The following KLF12 variants were observed in gnomAD, a reference collection of about 807,000 sequenced individuals.
KLF12 encodes the protein Krueppel-like factor 12.
KLF12 carries 9 observed loss-of-function variants against 37.8 expected under a neutral mutation model. The observed-to-expected ratio is 0.24, with a 90% CI of 0.14 to 0.42. The LOEUF is 0.42. KLF12 is among the 10% of genes least tolerant of loss of function. KLF12 has a pLI of 1.00. For missense variants in KLF12, 411 were observed against 516.0 expected, an observed-to-expected ratio of 0.80 and a Z score of 1.97; for synonymous variants, 208 against 202.1, an observed-to-expected ratio of 1.03 and a Z score of -0.25.
intron 3 of KLF12, among the ~76,000 whole-genome samples, chr13:73,849,853 A>T (rs1885240552): frequency 6.6e-6 from 1 of 152,116 alleles, no homozygotes; most frequent in African/African-American, 2.4e-5. Flanking sequence ...GGGAGTGGTG[A>T]CTATAGCTGA....
At chr13:74,006,559 G>A (rs1764946368) in intron 1 of KLF12, among the ~76,000 whole-genome samples, 1 of 152,208 alleles carries the variant, frequency 6.6e-6, no homozygotes, top group Non-Finnish European at 1.5e-5. Flanking sequence ...CAGCCATGGA[G>A]ATTTACAGCC....
chr13:73,785,710 G>C (rs901735410), intron 5 of KLF12, among the ~76,000 whole-genome samples: 1 of 151,780 alleles, frequency 6.6e-6, no homozygotes, highest in African/African-American at 2.4e-5. Flanking sequence ...ATAACACTTA[G>C]AGAGTCATGC....
chr13:74,009,219 AATCT>A (rs1892486641), intron 1 of KLF12, among the ~76,000 whole-genome samples: 1 of 152,226 alleles, frequency 6.6e-6, no homozygotes, highest in Non-Finnish European at 1.5e-5. Context: ...AATGCTCAGG[AATCT>A]ATCTGTCACT....
intron 2 of KLF12, among the ~76,000 whole-genome samples, chr13:73,965,003 T>C (rs1220019128): frequency 3.9e-5 from 6 of 152,160 alleles, no homozygotes; most frequent in Middle Eastern, 3.2e-3. Flanking sequence ...AGCAGCTCCA[T>C]TGCATACCGG....
chr13:74,234,769 T>C, the KLF12 span, among the ~76,000 whole-genome samples: 1,045 of 152,076 alleles, frequency 6.9e-3, 12 homozygotes, highest in African/African-American at 0.024. Context: ...GCTTCGGAGA[T>C]CTCTTTCCAA....
At chr13:73,860,107 A>G (rs554144996) in intron 3 of KLF12, among the ~76,000 whole-genome samples, 1 of 152,280 alleles carries the variant, frequency 6.6e-6, no homozygotes, top group Admixed American at 6.5e-5. Flanking sequence ...GTTGCGTTTT[A>G]TATGATCAGT....
At chr13:73,751,821 C>CTGGACATCTACTGGGGGTA (rs1878779241) in intron 6 of KLF12, among the ~76,000 whole-genome samples, 1 of 152,020 alleles carries the variant, frequency 6.6e-6, no homozygotes, top group African/African-American at 2.4e-5. Context: ...CAGTCCGGGG[C>CTGGACATCTACTGGGGGTA]TGGACATCTA....
chr13:74,229,693 A>G, the KLF12 span, among the ~76,000 whole-genome samples: 2 of 152,084 alleles, frequency 1.3e-5, no homozygotes, highest in African/African-American at 4.8e-5. Flanking sequence ...CCATTTTTTC[A>G]TAGGTACTGT....
rs1205140505 is a variant in KLF12, at chr13:73,686,284, C to A, written c.*9206G>T. 1 of 152,584 alleles carries A rather than the reference C, an allele frequency of 6.6e-6. No homozygotes were observed. The highest frequency in any genetic ancestry group is 1.5e-5 in the Non-Finnish European group (1 of 68,022). 9.5% of individuals were successfully genotyped at this position (152,584 alleles called of 1,614,324 possible). A position where few individuals can be genotyped will look rare whatever the true frequency, so the allele number is the denominator to read the frequency against. On this transcript the variant is annotated 3_prime_UTR_variant, in exon 8 of 8. Transcript: ENST00000377669. Reference sequence around the variant, plus strand: ...AACAATAACACTTGTTCATTTAAATCTCTGAGAATAGACTGGAATAATCAT... The same window carrying A: ...AACAATAACACTTGTTCATTTAAATATCTGAGAATAGACTGGAATAATCAT...
chr13:74,231,009 C>T, the KLF12 span, among the ~76,000 whole-genome samples: 1 of 150,716 alleles, frequency 6.6e-6, no homozygotes, highest in South Asian at 2.1e-4. Context: ...ACTTTCGCTA[C>T]TACCACCCTT....
At chr13:74,000,140 AATGTC>A (rs970302820) in intron 1 of KLF12, among the ~76,000 whole-genome samples, 1 of 152,142 alleles carries the variant, frequency 6.6e-6, no homozygotes, top group Admixed American at 6.5e-5. Flanking sequence ...GTATTCAAGA[AATGTC>A]ACTCCTATTT....
chr13:73,767,120 T>C (rs1241629927), intron 5 of KLF12, among the ~76,000 whole-genome samples: 1 of 152,232 alleles, frequency 6.6e-6, no homozygotes, highest in African/African-American at 2.4e-5. Flanking sequence ...TCTGATAAAG[T>C]AGACCATAAG....
chr13:73,926,587 G>A (rs1438638800), intron 3 of KLF12, among the ~76,000 whole-genome samples: 1 of 150,852 alleles, frequency 6.6e-6, no homozygotes, highest in African/African-American at 2.4e-5. Flanking sequence ...AGGTGTGTCT[G>A]TATCTTCAGG....
intron 3 of KLF12, among the ~76,000 whole-genome samples, chr13:73,864,809 C>T (rs571546081): frequency 4.8e-4 from 73 of 151,786 alleles, no homozygotes; most frequent in East Asian, 4.6e-3. Flanking sequence ...AATATATATG[C>T]GATAAAAGTG....
chr13:74,022,876 G>GA (rs200107283), intron 1 of KLF12, among the ~76,000 whole-genome samples: 11,151 of 139,036 alleles, frequency 0.08, 574 homozygotes, highest in East Asian at 0.21. Context: ...ATCCACTGTG[G>GA]AAAAAAAAAA....
rs796722418 is a variant in KLF12, at chr13:73,901,966, A to AT, written c.123+42014dup. 2.6e-5 allele frequency among the ~76,000 whole-genome samples: 4 copies of AT among 152,298 alleles called. No individual in the cohort carries two copies. The East Asian group carries it at 7.7e-4, about 29-fold the overall frequency. ...ACAAATGGCTTAAAACTACAAATTC[A>AT]TTTTACATAGCCATAAATACTTTTA... On this transcript the variant is annotated intron_variant, in intron 3 of 7. Coordinates refer to ENST00000377669, the MANE Select transcript of KLF12 (RefSeq NM_007249.5).
chr13:74,127,067 T>C (rs1877981039), intron 1 of KLF12, among the ~76,000 whole-genome samples: 1 of 152,176 alleles, frequency 6.6e-6, no homozygotes, highest in Non-Finnish European at 1.5e-5. Context: ...TTGGCTCAAT[T>C]GATCATAGCT....
intron 1 of KLF12, among the ~76,000 whole-genome samples, chr13:74,030,920 C>T (rs1893096286): frequency 6.6e-6 from 1 of 152,052 alleles, no homozygotes; most frequent in African/African-American, 2.4e-5. Flanking sequence ...TTCTCTAATC[C>T]TAAACTTCAT....
chr13:74,235,860 T>G, the KLF12 span, among the ~76,000 whole-genome samples: 6 of 152,214 alleles, frequency 3.9e-5, no homozygotes, highest in East Asian at 1.2e-3. Flanking sequence ...CAGTGGAATT[T>G]GGATATACAC....
Sources: allele counts gnomAD v4.1 joint callset (sites outside exome capture counted in the v4.1 genomes callset), GRCh38; gene constraint gnomAD v4.1.1; transcripts MANE v1.5; gene names NCBI Gene and HGNC (gene_info 2026-07-23, HGNC 2026-07-21).